S100Z: variants seen among roughly 807,000 people sequenced by gnomAD.
S100Z encodes the protein protein S100-Z.
S100Z carries 11 observed loss-of-function variants against 8.5 expected under a neutral mutation model. The observed-to-expected ratio is 1.30, with a 90% CI of 0.82 to 2.15. S100Z has a LOEUF of 2.15. S100Z is among the 30% of genes most tolerant of loss of function. The pLI, the probability that S100Z is intolerant of heterozygous loss-of-function variation, is 0.00. For synonymous variants in S100Z, 34 were observed against 43.8 expected, an observed-to-expected ratio of 0.78 and a Z score of 0.89; for missense variants, 126 against 117.9, an observed-to-expected ratio of 1.07 and a Z score of -0.32.
chr5:76,859,324 A>G (rs560189999), intron 1 of S100Z, among the ~76,000 whole-genome samples: 28 of 152,242 alleles, frequency 1.8e-4, no homozygotes, highest in Middle Eastern at 3.4e-3. Context: ...CCACCACACA[A>G]CTATGTCTGA....
chr5:76,851,478 G>A (rs1215770737), intron 1 of S100Z, among the ~76,000 whole-genome samples: 1 of 152,150 alleles, frequency 6.6e-6, no homozygotes, highest in African/African-American at 2.4e-5. Flanking sequence ...GGAACAGAGA[G>A]TGAGGAGATA....
In S100Z at chr5:76,908,837, CAGG is replaced by C. The variant is rs1744546948; in HGVS notation, c.*3-11877_*3-11875del. On this transcript the variant is annotated intron_variant, in intron 4 of 4. Transcript: ENST00000317593. The stretch of plus-strand genomic sequence containing the variant: ...GACAGGCGTAAAGTCTCAATACTAA[CAGG>C]AGAATGCTTAGGACTCTAACAGGTT... Among the ~76,000 whole-genome samples the C allele has an allele frequency of 2.0e-5, 3 of 152,116 alleles. No homozygotes were observed. In the South Asian group the frequency reaches 6.2e-4, roughly 32 times the overall value.
At chr5:76,884,959 A>G (rs866325673) in intron 4 of S100Z, among the ~76,000 whole-genome samples, 22 of 152,264 alleles carry the variant, frequency 1.4e-4, no homozygotes, top group African/African-American at 4.8e-4. Context: ...GAGACTAGGG[A>G]GGAACCAATG....
intron 4 of S100Z, among the ~76,000 whole-genome samples, chr5:76,910,608 A>T (rs570889851): frequency 6.6e-6 from 1 of 152,144 alleles, no homozygotes; most frequent in East Asian, 1.9e-4. Flanking sequence ...TGAGGCAATC[A>T]CTGGAAGGTG....
At chr5:76,912,653 TG>T (rs945254251) in intron 4 of S100Z, among the ~76,000 whole-genome samples, 1 of 152,212 alleles carries the variant, frequency 6.6e-6, no homozygotes, top group Admixed American at 6.5e-5. Flanking sequence ...GAGTTACCTC[TG>T]GGGGGAACCC....
chr5:76,911,232 G>T (rs1259892613), intron 4 of S100Z, among the ~76,000 whole-genome samples: 6 of 152,130 alleles, frequency 3.9e-5, no homozygotes, highest in Non-Finnish European at 8.8e-5. Flanking sequence ...AAAGCTCAAG[G>T]CTTAGTAAGG....
At chr5:76,948,757 C>T in the S100Z span, 1 of 152,168 alleles carries the variant, frequency 6.6e-6, no homozygotes, top group Non-Finnish European at 1.5e-5. Flanking sequence ...ATGGAAAACA[C>T]TATGGACTTT....
intron 1 of S100Z, among the ~76,000 whole-genome samples, chr5:76,858,963 A>T (rs1440399561): frequency 6.6e-6 from 1 of 152,078 alleles, no homozygotes; most frequent in Non-Finnish European, 1.5e-5. Context: ...ATACAAAAAA[A>T]ATTAGCCAGG....
At position 76,888,957 on chromosome 5, in the gene S100Z, C is replaced by A. The variant is rs1193135903; in HGVS notation, c.*2+11123C>A. On this transcript the variant is annotated intron_variant, in intron 4 of 4. Transcript: ENST00000317593. ...ATGTGACTGGCTACACGGCCACCCC[C>A]ACATGTCCCCATGTGTGTAGAACAT... Among the ~76,000 whole-genome samples, 3 of 152,210 alleles carry A rather than the reference C, an allele frequency of 2.0e-5. No homozygotes were observed. In the South Asian group the frequency reaches 6.2e-4, roughly 32 times the overall value.
At chr5:76,922,335 C>T (rs1745062554), downstream of S100Z, among the ~76,000 whole-genome samples, 1 of 152,192 alleles carries the variant, frequency 6.6e-6, no homozygotes, top group African/African-American at 2.4e-5. Flanking sequence ...GAAGTCATCA[C>T]CATGCCCAGA....
At chr5:76,908,249 A>G (rs1744525005) in intron 4 of S100Z, among the ~76,000 whole-genome samples, 1 of 152,234 alleles carries the variant, frequency 6.6e-6, no homozygotes, top group African/African-American at 2.4e-5. Flanking sequence ...GCCAAGGGTC[A>G]ACGGAGAGGA....
chr5:76,907,507 G>A (rs1744498329), intron 4 of S100Z, among the ~76,000 whole-genome samples: 1 of 152,134 alleles, frequency 6.6e-6, no homozygotes. Context: ...GTTTCACCAT[G>A]TTAGCCAGGA....
intron 4 of S100Z, among the ~76,000 whole-genome samples, chr5:76,891,969 A>G (rs1170517769): frequency 1.3e-5 from 2 of 152,222 alleles, no homozygotes; most frequent in East Asian, 1.9e-4. Context: ...AAGGGTACTT[A>G]TCAAACATTA....
At chr5:76,850,281 C>T (rs1750684408) in intron 1 of S100Z, 126 bp downstream of exon 1, 1 of 133,556 alleles carries the variant, frequency 7.5e-6, no homozygotes, top group South Asian at 2.5e-4. Context: ...TGCCTTGGGG[C>T]TTCCACTCTA....
intron 2 of S100Z, among the ~76,000 whole-genome samples, 195 bp from the exon 3 acceptor site, chr5:76,875,109 T>G (rs1743138384): frequency 6.6e-6 from 1 of 152,132 alleles, no homozygotes; most frequent in Non-Finnish European, 1.5e-5. Context: ...GCCAGGATGG[T>G]CTCGATCTTC....
At chr5:76,951,486 G>A in the S100Z span, among the ~76,000 whole-genome samples, 1 of 152,310 alleles carries the variant, frequency 6.6e-6, no homozygotes. Flanking sequence ...TGAATTCTGG[G>A]AACAGGCCAA....
At chr5:76,853,386 A>T (rs995994016) in intron 1 of S100Z, among the ~76,000 whole-genome samples, 1 of 152,106 alleles carries the variant, frequency 6.6e-6, no homozygotes, top group African/African-American at 2.4e-5. Flanking sequence ...GAAACAACCA[A>T]CTTTTATAGT....
At chr5:76,874,537 G>GA (rs1284193270) in intron 2 of S100Z, among the ~76,000 whole-genome samples, 11 of 152,108 alleles carry the variant, frequency 7.2e-5, no homozygotes, top group Admixed American at 2.0e-4. Context: ...ACCTCCCTTT[G>GA]AATCTCTTGT....
chr5:76,950,572 G>A, the S100Z span, among the ~76,000 whole-genome samples: 4 of 152,000 alleles, frequency 2.6e-5, no homozygotes, highest in African/African-American at 7.2e-5. Context: ...AACAATAGTC[G>A]AAGACCCAAA....
Sources: gnomAD v4.1 joint callset for allele counts (sites outside exome capture counted in the v4.1 genomes callset) on GRCh38, gnomAD v4.1.1 for gene constraint, MANE v1.5 for transcripts, NCBI Gene and HGNC (gene_info 2026-07-23, HGNC 2026-07-21) for gene names.